SPTA1: variants seen among roughly 807,000 people sequenced by gnomAD.
SPTA1 encodes the protein spectrin alpha, erythrocytic 1.
In SPTA1, 177 loss-of-function variants were observed where a neutral mutation model predicts 324.7. The observed-to-expected ratio is 0.55, with a 90% CI of 0.48 to 0.62. The LOEUF (loss-of-function observed/expected upper bound fraction) is 0.62, where lower values mean the gene tolerates loss of function less well. Among genes scored for constraint, SPTA1 ranks in the 20% least tolerant of loss-of-function variants. The pLI is 0.00. For synonymous variants in SPTA1, 1,195 were observed against 1,041.3 expected, an observed-to-expected ratio of 1.15 and a Z score of -2.84; for missense variants, 3,162 against 2,883.6, an observed-to-expected ratio of 1.10 and a Z score of -2.21.
chr1:158,665,718 T>G (rs1363734332), intron 16 of SPTA1, among the ~76,000 whole-genome samples: 2 of 152,246 alleles, frequency 1.3e-5, no homozygotes, highest in African/African-American at 4.8e-5. Flanking sequence ...AAAGTCACTT[T>G]ACTTCTATTG....
rs188239318 is a variant in SPTA1, at chr1:158,612,440, T to C, written c.7134+377A>G. 786 of 290,318 alleles carry C rather than the reference T, an allele frequency of 2.7e-3. 2 individuals are homozygous for C. Among genetic ancestry groups the C allele is most frequent in the Admixed American group, 4.0e-3 (82 of 20,666 alleles). The allele number at this position is 290,318 out of a possible 1,614,324, so 18.0% of individuals were successfully genotyped here. On this transcript the variant is annotated intron_variant, in intron 51 of 51. Transcript: ENST00000643759. ...TGCTTCTGTTACAGTGTTTTTAACTTGTAAAGTTCTGTCTTCCCCACTACA... is the reference window on the plus strand; with the variant it reads ...TGCTTCTGTTACAGTGTTTTTAACTCGTAAAGTTCTGTCTTCCCCACTACA...
Position 158,615,295 on chromosome 1 carries a change from C to T in SPTA1, c.6709G>A (p.Gly2237Arg). ...LILDIKYSTIGLAQQWDQLYQ... is the reference protein window; with the variant it reads ...LILDIKYSTIRLAQQWDQLYQ... ...AGCTGGTCCCACTGCTGAGCCAATC[C>T]AATGGTGCTGTATTTGATATCAAGG... The change falls in exon 48 of 52, where the codon GGA becomes AGA. Residue 2237 changes from glycine (G) to arginine (R), a missense_variant. Transcript: ENST00000643759. 1.2e-6 allele frequency: 2 copies of T among 1,614,064 alleles called. No homozygotes were observed. The highest frequency in any genetic ancestry group is 1.7e-6 in the Non-Finnish European group (2 of 1,180,014).
intron 16 of SPTA1, among the ~76,000 whole-genome samples, chr1:158,663,450 T>C (rs543022508): frequency 6.6e-6 from 1 of 152,260 alleles, no homozygotes; most frequent in South Asian, 2.1e-4. Context: ...GAAAGATAAA[T>C]TTAACGGAGT....
chr1:158,670,413 G>T (rs1487378123), intron 12 of SPTA1, among the ~76,000 whole-genome samples: 1 of 152,214 alleles, frequency 6.6e-6, no homozygotes, highest in African/African-American at 2.4e-5. Context: ...TTTGACCAAT[G>T]AGAATCAACA....
chr1:158,641,046 C>A (rs1270316160), intron 33 of SPTA1, among the ~76,000 whole-genome samples: 5 of 152,148 alleles, frequency 3.3e-5, no homozygotes, highest in Non-Finnish European at 5.9e-5. Context: ...CTGAGAAAAA[C>A]AAGCAATGGG....
chr1:158,677,600 G>T (rs1654472444), intron 7 of SPTA1, 90 bp downstream of exon 7: 1 of 1,490,328 alleles, frequency 6.7e-7, no homozygotes. Flanking sequence ...TGAACTTATT[G>T]TGCTCTCTGG....
intron 2 of SPTA1, 121 bp downstream of exon 2, chr1:158,684,987 G>A: frequency 8.2e-7 from 1 of 1,216,576 alleles, no homozygotes; most frequent in East Asian, 2.4e-5. Context: ...ACTTATTTTT[G>A]TTTCTAAACG....
chr1:158,642,773 C>G (rs77592446), intron 32 of SPTA1, 41 bp downstream of exon 32: 2 of 1,613,514 alleles, frequency 1.2e-6, no homozygotes, highest in African/African-American at 2.7e-5. Flanking sequence ...CCAACAAGCT[C>G]GGAATGGTGA....
intron 50 of SPTA1, 95 bp from the exon 51 acceptor site, chr1:158,613,056 C>T (rs1302062560): frequency 2.2e-6 from 3 of 1,348,318 alleles, no homozygotes; most frequent in Non-Finnish European, 3.1e-6. Context: ...CAGAGGAAAG[C>T]CAGATTCTCC....
chr1:158,683,556 A>G, intron 2 of SPTA1, 60 bp from the exon 3 acceptor site: 1 of 1,606,358 alleles, frequency 6.2e-7, no homozygotes, highest in East Asian at 2.2e-5. Context: ...GGAAATGTTC[A>G]CTCTATGTAA....
rs577611431 is a variant in SPTA1 at position 158,614,871 on chromosome 1, CT to C, written c.6788+344del. ...CTATTTGGCCACACTTTAAATGTTT[CT>C]TTTAATCTAGACATTACATTTTAGA... On this transcript the variant is annotated intron_variant, in intron 48 of 51. Transcript: ENST00000643759. 6.5e-4 allele frequency: 158 copies of C among 242,316 alleles called. No individual in the cohort carries two copies. In the South Asian group the frequency reaches 0.011, roughly 18 times the overall value. The allele number at this position is 242,316 out of a possible 1,614,324, so 15.0% of individuals were successfully genotyped here.
At chr1:158,678,836 TCTC>T (rs1315602130) in intron 5 of SPTA1, among the ~76,000 whole-genome samples, 7 of 152,060 alleles carry the variant, frequency 4.6e-5, no homozygotes, top group Non-Finnish European at 7.4e-5. Context: ...ATGCTTGAGA[TCTC>T]CTTGAAATCC....
chr1:158,683,059 A>T, intron 3 of SPTA1, among the ~76,000 whole-genome samples: 1 of 152,160 alleles, frequency 6.6e-6, no homozygotes, highest in Admixed American at 6.6e-5. Context: ...ATTAGAAAGA[A>T]CATTGGAAAA....
rs529675685 is a variant in SPTA1 at position 158,669,623 on chromosome 1, G to C, written c.1678-60C>G. 3.1e-6 allele frequency: 5 copies of C among 1,613,806 alleles called. No homozygotes were observed. In the African/African-American group the frequency reaches 5.3e-5, roughly 17 times the overall value. On this transcript the variant is annotated intron_variant, in intron 13 of 51. Transcript: ENST00000643759. ...AACCAAATATGGACATGTGAGATTC[G>C]CTGACCACCCTGGTCACCATGCCCA... is the stretch of plus-strand genomic sequence containing the variant.
chr1:158,667,797 A>G (rs533242901), intron 15 of SPTA1, 61 bp downstream of exon 15: 1 of 1,553,582 alleles, frequency 6.4e-7, no homozygotes, highest in East Asian at 2.3e-5. Context: ...AGTGGTAAAG[A>G]TAAAGGTAGT....
chr1:158,685,188 C>T lies in SPTA1; in HGVS notation c.184G>A (p.Ala62Thr), dbSNP rs1396574054. The change falls in exon 2 of 52, where the codon GCA (alanine) becomes ACA (threonine). Residue 62 changes from alanine to threonine, a missense_variant. Ala to Thr is a moderately conservative substitution (Grantham distance 58, BLOSUM62 0). Coordinates refer to ENST00000643759, the MANE Select transcript of SPTA1 (RefSeq NM_003126.4). ...ATGATCCACTTCCCCAGATCATCTG[C>T]ATCTCGCTTGAAAACTTGTAAGTGA... ...SYHLQVFKRD[A>T]DDLGKWIMEK... is the part of the protein sequence containing the mutation. 1 of 1,613,742 alleles carries T rather than the reference C, an allele frequency of 6.2e-7. No homozygotes were observed. Among genetic ancestry groups the T allele is most frequent in the Admixed American group, 1.7e-5 (1 of 59,916 alleles).
intron 8 of SPTA1, among the ~76,000 whole-genome samples, chr1:158,675,068 T>C (rs927968656): frequency 6.6e-6 from 1 of 152,178 alleles, no homozygotes; most frequent in Non-Finnish European, 1.5e-5. Context: ...AGCATTAGGA[T>C]TCCTCATCTA....
intron 7 of SPTA1, among the ~76,000 whole-genome samples, chr1:158,677,300 GA>G (rs968574984): frequency 2.0e-5 from 3 of 152,122 alleles, no homozygotes. Flanking sequence ...AGTACAAAAA[GA>G]ATCAGGATTC....
chr1:158,650,284 GACAA>G (rs1285378322), intron 24 of SPTA1, among the ~76,000 whole-genome samples: 2 of 152,168 alleles, frequency 1.3e-5, no homozygotes, highest in Admixed American at 6.5e-5. Flanking sequence ...ATTTCTCTAA[GACAA>G]ACAATTCTGT....
Sources: gnomAD v4.1 joint callset for allele counts (sites outside exome capture counted in the v4.1 genomes callset) on GRCh38, gnomAD v4.1.1 for gene constraint, MANE v1.5 for transcripts, NCBI Gene and HGNC (gene_info 2026-07-23, HGNC 2026-07-21) for gene names.